PCDHA2: variants seen among roughly 807,000 people sequenced by gnomAD.
PCDHA2 encodes the protein protocadherin alpha 2.
Under a neutral mutation model 66.0 loss-of-function variants are expected in PCDHA2, and 58 were observed. That is an observed-to-expected ratio of 0.88 (90% CI 0.71 to 1.09). PCDHA2 has a LOEUF of 1.09. PCDHA2 is among the 50% of genes least tolerant of loss of function. The pLI, the probability that PCDHA2 is intolerant of heterozygous loss-of-function variation, is 0.00. For missense variants in PCDHA2, 1,267 were observed against 1,242.3 expected (o/e 1.02, Z -0.30); for synonymous variants, 634 against 554.0 (o/e 1.14, Z -2.03).
chr5:140,913,450 T>G (rs2153526628), intron 1 of PCDHA2, among the ~76,000 whole-genome samples: 1 of 152,270 alleles, frequency 6.6e-6, no homozygotes, highest in Middle Eastern at 3.4e-3. Flanking sequence ...TCAGCTCCGA[T>G]TTTATTTACT....
chr5:140,856,572 A>C (rs782165615), intron 1 of PCDHA2: 1 of 1,597,762 alleles, frequency 6.3e-7, no homozygotes, highest in East Asian at 2.2e-5. Flanking sequence ...AGTCCAAATG[A>C]GTATTTTGTT....
chr5:140,907,812 C>T (rs888159954), intron 1 of PCDHA2, among the ~76,000 whole-genome samples: 17 of 152,192 alleles, frequency 1.1e-4, no homozygotes, highest in Admixed American at 2.6e-4. Flanking sequence ...GTCCACAGAA[C>T]GAGTCATCCT....
chr5:140,795,561 G>A lies in PCDHA2; in HGVS notation c.597G>A (p.Ser199=), dbSNP rs1554119494. ...CTTTGTCTCTCGTGCTGGGGAAATC[G>A]CTGGACAGAGAGGAAACTGCTGAGG... ...SESLSLVLGK[S]LDREETAEVN... Residue 199 remains serine (S), a synonymous_variant, in exon 1 of 4, where the codon TCG becomes TCA. Transcript: ENST00000526136. The A allele has an allele frequency of 1.9e-6, 3 of 1,614,136 alleles. No homozygotes were observed. Among genetic ancestry groups the A allele is most frequent in the South Asian group, 1.1e-5 (1 of 91,080 alleles).
At chr5:140,909,439 G>C (rs1348703640) in intron 1 of PCDHA2, among the ~76,000 whole-genome samples, 1 of 152,210 alleles carries the variant, frequency 6.6e-6, no homozygotes, top group Admixed American at 6.5e-5. Context: ...ATAATCCACT[G>C]TCATTCTCCA....
intron 1 of PCDHA2, among the ~76,000 whole-genome samples, chr5:140,961,302 A>G (rs1383841228): frequency 6.6e-6 from 1 of 152,222 alleles, no homozygotes; most frequent in African/African-American, 2.4e-5. Context: ...GTTAAAGAAC[A>G]TGATTTACCA....
chr5:140,860,911 G>A (rs1302618157), intron 1 of PCDHA2: 1 of 152,150 alleles, frequency 6.6e-6, no homozygotes, highest in Non-Finnish European at 1.5e-5. Context: ...CTAATTTTTT[G>A]TATTTTTAGT....
rs1554144120 is a variant in PCDHA2, at chr5:140,850,272, A to G, written c.2388+52920A>G. 1.2e-5 allele frequency: 19 copies of G among 1,594,612 alleles called. 2 individuals carry two copies. The highest frequency in any genetic ancestry group is 7.7e-6 in the Non-Finnish European group (9 of 1,167,372). Reference sequence around the variant, plus strand: ...GGTGGGCGCCGGCGTAGTGGTGGGGAAGGTGCGCGCAGTGGACGCCGACTC... The same window carrying G: ...GGTGGGCGCCGGCGTAGTGGTGGGGGAGGTGCGCGCAGTGGACGCCGACTC... On this transcript the variant is annotated intron_variant, in intron 1 of 3. Transcript: ENST00000526136.
intron 1 of PCDHA2, chr5:140,884,824 T>C: frequency 1.0e-6 from 1 of 993,590 alleles, no homozygotes; most frequent in Non-Finnish European, 1.4e-6. Context: ...ACATTATGTG[T>C]TGGATTATCC....
chr5:140,930,985 A>G (rs2087229279), intron 1 of PCDHA2, among the ~76,000 whole-genome samples: 1 of 152,110 alleles, frequency 6.6e-6, no homozygotes, highest in Non-Finnish European at 1.5e-5. Context: ...TTTCTTCCTC[A>G]TGACCTACAC....
chr5:140,954,225 A>G (rs1554221300), intron 1 of PCDHA2, among the ~76,000 whole-genome samples: 1 of 152,242 alleles, frequency 6.6e-6, no homozygotes, highest in Admixed American at 6.5e-5. Context: ...TGCTATTGTG[A>G]ATAGTGCTGC....
At chr5:140,822,042 C>A (rs148967528) in intron 1 of PCDHA2, 3 of 1,614,176 alleles carry the variant, frequency 1.9e-6, no homozygotes, top group Non-Finnish European at 2.5e-6. Context: ...ATTCTCGGAT[C>A]GACCGGGAGG....
chr5:140,984,666 G>T (rs769681431), intron 3 of PCDHA2, among the ~76,000 whole-genome samples: 115 of 152,058 alleles, frequency 7.6e-4, no homozygotes, highest in Admixed American at 1.2e-3. Flanking sequence ...GTACTTTTAG[G>T]TTTTTAGGAC....
chr5:140,982,482 C>T lies in PCDHA2; in HGVS notation c.2455C>T (p.His819Tyr), dbSNP rs782273708. 1.9e-6 allele frequency: 3 copies of T among 1,614,054 alleles called. No individual in the cohort carries two copies. Among genetic ancestry groups the T allele is most frequent in the East Asian group, 4.5e-5 (2 of 44,894 alleles). The change falls in exon 3 of 4, where the codon CAC (histidine) becomes TAC (tyrosine). Residue 819 changes from histidine to tyrosine, a missense_variant. Physicochemically the swap from His to Tyr is moderately conservative, Grantham distance 83. Transcript: ENST00000526136. ...SLRAGMHSSV[H>Y]LEEAGILRAG... ...GTCTGTGTGTTTATTCAGCTCTGTGCACCTAGAGGAGGCTGGCATTCTACG... is the reference window on the plus strand; with the variant it reads ...GTCTGTGTGTTTATTCAGCTCTGTGTACCTAGAGGAGGCTGGCATTCTACG...
At chr5:140,946,867 G>A (rs1194586546) in intron 1 of PCDHA2, among the ~76,000 whole-genome samples, 1 of 151,282 alleles carries the variant, frequency 6.6e-6, no homozygotes, top group Non-Finnish European at 1.5e-5. Context: ...GGAGAGGTTG[G>A]TCAATGGGTA....
rs2150160897 is a variant in PCDHA2, at chr5:140,828,930, CT to C, written c.2388+31582del. ...GGAGCGAATGGGGCAATTTCATATT[CT>C]TTTAATAGCCTTGTTGCAGCCATGG... On this transcript the variant is annotated intron_variant, in intron 1 of 3. Coordinates refer to ENST00000526136, the MANE Select transcript of PCDHA2 (RefSeq NM_018905.3). The C allele has an allele frequency of 5.6e-6, 9 of 1,614,116 alleles. No individual in the cohort carries two copies. In the South Asian group the frequency reaches 8.8e-5, roughly 16 times the overall value.
intron 1 of PCDHA2, among the ~76,000 whole-genome samples, chr5:140,955,186 G>A (rs246020): frequency 0.56 from 85,667 of 151,968 alleles, 24,773 homozygotes; most frequent in African/African-American, 0.69. Flanking sequence ...GTTTTGTGGT[G>A]TATATGAAGT....
chr5:140,856,824 T>C (rs1554149171), intron 1 of PCDHA2: 1 of 1,592,156 alleles, frequency 6.3e-7, no homozygotes, highest in Middle Eastern at 1.7e-4. Flanking sequence ...AACCAAACAT[T>C]AGTAATACGG....
chr5:140,947,760 A>C (rs1332466215), intron 1 of PCDHA2, among the ~76,000 whole-genome samples: 1 of 151,618 alleles, frequency 6.6e-6, no homozygotes, highest in Non-Finnish European at 1.5e-5. Context: ...TTATGGTTTA[A>C]AAAATTCTAT....
chr5:140,822,082 A>G, intron 1 of PCDHA2: 1 of 1,614,244 alleles, frequency 6.2e-7, no homozygotes, highest in Non-Finnish European at 8.5e-7. Context: ...GGAGTGCAGC[A>G]TCCACCTGGA....
Sources: gnomAD v4.1 joint callset for allele counts (sites outside exome capture counted in the v4.1 genomes callset) on GRCh38, gnomAD v4.1.1 for gene constraint, MANE v1.5 for transcripts, NCBI Gene and HGNC (gene_info 2026-07-23, HGNC 2026-07-21) for gene names.